Variants in DLGAP2 observed in about 807,000 individuals in gnomAD.
DLGAP2 encodes the protein disks large-associated protein 2.
A neutral mutation model predicts 100.3 loss-of-function variants in DLGAP2; 26 were observed. The ratio of observed to expected loss-of-function variants is 0.26; its 90% CI spans 0.19 to 0.36. The LOEUF (loss-of-function observed/expected upper bound fraction) is 0.36, where lower values mean the gene tolerates loss of function less well. DLGAP2 is among the 10% of genes least tolerant of loss of function. DLGAP2 has a pLI of 1.00. For synonymous variants in DLGAP2, 886 were observed against 630.1 expected (o/e 1.41, Z -6.08); for missense variants, 1,858 against 1,453.2 (o/e 1.28, Z -4.53).
chr8:1,230,595 C>G (rs933581752), intron 2 of DLGAP2, among the ~76,000 whole-genome samples: 1 of 152,176 alleles, frequency 6.6e-6, no homozygotes, highest in African/African-American at 2.4e-5. Context: ...ATCATGTTAC[C>G]TGACTTCAAA....
At chr8:1,470,667 T>C (rs906625592) in intron 3 of DLGAP2, among the ~76,000 whole-genome samples, 12 of 152,082 alleles carry the variant, frequency 7.9e-5, no homozygotes, top group Non-Finnish European at 1.8e-4. Flanking sequence ...GGCACAATCC[T>C]ACCATTTTAA....
At chr8:1,418,572 C>G (rs564664057) in intron 3 of DLGAP2, among the ~76,000 whole-genome samples, 36 of 152,296 alleles carry the variant, frequency 2.4e-4, no homozygotes, top group African/African-American at 8.2e-4. Flanking sequence ...TCTGCATTCA[C>G]ACGACACTCC....
intron 2 of DLGAP2, among the ~76,000 whole-genome samples, chr8:998,489 G>T (rs1283847163): frequency 2.7e-5 from 4 of 149,048 alleles, no homozygotes; most frequent in African/African-American, 7.4e-5. Context: ...TTTTTCTAGA[G>T]ATAGGATCTC....
intron 2 of DLGAP2, among the ~76,000 whole-genome samples, chr8:1,180,413 C>T (rs1452427641): frequency 6.6e-6 from 1 of 152,220 alleles, no homozygotes; most frequent in Non-Finnish European, 1.5e-5. Flanking sequence ...CAATGTTGCC[C>T]AGCCTGGTCT....
chr8:1,244,249 T>C (rs983822922), intron 2 of DLGAP2, among the ~76,000 whole-genome samples: 1 of 152,216 alleles, frequency 6.6e-6, no homozygotes, highest in Non-Finnish European at 1.5e-5. Flanking sequence ...TGCACCCTAG[T>C]GCCCGGCATA....
chr8:1,634,748 A>G (rs1008576185), intron 8 of DLGAP2, among the ~76,000 whole-genome samples: 3 of 152,228 alleles, frequency 2.0e-5, no homozygotes, highest in African/African-American at 7.2e-5. Flanking sequence ...ATTACCTCGT[A>G]GAAAAGGACT....
chr8:907,604 T>C (rs1409420080), intron 1 of DLGAP2, among the ~76,000 whole-genome samples: 1 of 152,194 alleles, frequency 6.6e-6, no homozygotes, highest in East Asian at 1.9e-4. Context: ...TTTACCTTAT[T>C]GTGGGAGCCC....
chr8:1,171,045 A>C (rs1463302513), intron 2 of DLGAP2, among the ~76,000 whole-genome samples: 1 of 151,258 alleles, frequency 6.6e-6, no homozygotes, highest in Non-Finnish European at 1.5e-5. Flanking sequence ...CCCTCTACAC[A>C]CTGCTTTGAA....
At chr8:1,423,650 G>A (rs1797162697) in intron 3 of DLGAP2, among the ~76,000 whole-genome samples, 1 of 152,208 alleles carries the variant, frequency 6.6e-6, no homozygotes. Context: ...TTGAACTCTT[G>A]GAGGAATTGC....
chr8:803,652 C>G (rs1237419971), intron 1 of DLGAP2, among the ~76,000 whole-genome samples: 1 of 152,076 alleles, frequency 6.6e-6, no homozygotes, highest in East Asian at 1.9e-4. Context: ...TCACAAGATA[C>G]AGTTAGAAGC....
chr8:1,097,208 A>AG (rs1804406191), intron 2 of DLGAP2, among the ~76,000 whole-genome samples: 1 of 86,692 alleles, frequency 1.2e-5, no homozygotes, highest in African/African-American at 4.9e-5. Flanking sequence ...CTGGGAGCCT[A>AG]GGGCAGGCCT....
At chr8:1,099,509 G>A (rs115267718) in intron 2 of DLGAP2, among the ~76,000 whole-genome samples, 2,200 of 152,338 alleles carry the variant, frequency 0.014, 61 homozygotes, top group African/African-American at 0.05. Context: ...TCTGGTCTGT[G>A]CTACCACATC....
chr8:1,556,613 G>A (rs559938677), intron 5 of DLGAP2, among the ~76,000 whole-genome samples: 4 of 152,316 alleles, frequency 2.6e-5, no homozygotes, highest in Non-Finnish European at 4.4e-5. Context: ...AAGTACAGCA[G>A]GACTAGGAGC....
chr8:920,906 T>C lies in DLGAP2; in HGVS notation c.73+12940T>C, dbSNP rs949945441. On this transcript the variant is annotated intron_variant, in intron 2 of 14. Transcript: ENST00000637795. ...TGTGTGCTTGCTTCATGCTGAGCAC[T>C]TGGCAGGATGAGCTGAATCCTGGTC... Among the ~76,000 whole-genome samples, 11 of 152,348 alleles carry C rather than the reference T, an allele frequency of 7.2e-5. No individual in the cohort carries two copies. In the East Asian group the frequency reaches 2.1e-3, roughly 29 times the overall value.
chr8:1,697,413 C>T (rs1340599781), intron 14 of DLGAP2, 114 bp downstream of exon 14: 39 of 1,430,406 alleles, frequency 2.7e-5, no homozygotes, highest in Middle Eastern at 1.8e-4. Context: ...TGGCAACACA[C>T]GAGCAAATTT....
chr8:1,348,499 C>T (rs1475825475), intron 3 of DLGAP2, among the ~76,000 whole-genome samples: 1 of 149,600 alleles, frequency 6.7e-6, no homozygotes, highest in Non-Finnish European at 1.5e-5. Context: ...TACAGAGCTA[C>T]ATTGCACTCA....
chr8:1,625,631 C>A (rs1490403533), intron 6 of DLGAP2, among the ~76,000 whole-genome samples: 9 of 152,110 alleles, frequency 5.9e-5, no homozygotes, highest in African/African-American at 1.9e-4. Flanking sequence ...TGTAAAGTTG[C>A]CAGAGAGCCA....
intron 2 of DLGAP2, among the ~76,000 whole-genome samples, chr8:1,203,103 G>T (rs926131749): frequency 2.7e-5 from 4 of 146,240 alleles, no homozygotes; most frequent in African/African-American, 9.9e-5. Flanking sequence ...TTTCTCTTAG[G>T]GTTTTTGTTT....
At chr8:1,306,478 A>G (rs1487231808) in intron 3 of DLGAP2, among the ~76,000 whole-genome samples, 2 of 152,212 alleles carry the variant, frequency 1.3e-5, no homozygotes, top group African/African-American at 4.8e-5. Context: ...ATGGATTGAA[A>G]GGCTTACTGT....
Sources: gnomAD v4.1 joint callset for allele counts (sites outside exome capture counted in the v4.1 genomes callset) on GRCh38, gnomAD v4.1.1 for gene constraint, MANE v1.5 for transcripts, NCBI Gene and HGNC (gene_info 2026-07-23, HGNC 2026-07-21) for gene names.